Variants in AGO2 observed in about 807,000 individuals in gnomAD.
AGO2 encodes argonaute RISC catalytic component 2, also known as protein argonaute-2.
In AGO2, 5 loss-of-function variants were observed where a neutral mutation model predicts 102.3. The observed-to-expected ratio is 0.05, with a 90% CI of 0.03 to 0.10. The LOEUF is 0.10. Ranked by LOEUF, AGO2 falls within the 10% of genes least tolerant of loss-of-function variation. AGO2 has a pLI of 1.00. For missense variants in AGO2, 541 were observed against 1,183.7 expected (o/e 0.46, Z 7.97); for synonymous variants, 449 against 473.1 (o/e 0.95, Z 0.66).
At chr8:140,579,978 G>A (rs2073529504) in intron 2 of AGO2, among the ~76,000 whole-genome samples, 1 of 152,270 alleles carries the variant, frequency 6.6e-6, no homozygotes, top group African/African-American at 2.4e-5. Flanking sequence ...CGAACAAGGA[G>A]GAAGAGGGGC....
intron 1 of AGO2, among the ~76,000 whole-genome samples, chr8:140,613,852 C>T (rs1327271448): frequency 8.4e-6 from 1 of 118,720 alleles, no homozygotes; most frequent in Non-Finnish European, 1.9e-5. Context: ...CTCGTCTCCA[C>T]AACAAAAATT....
chr8:140,617,496 A>G (rs1303762329), intron 1 of AGO2, among the ~76,000 whole-genome samples: 4 of 151,996 alleles, frequency 2.6e-5, no homozygotes, highest in Non-Finnish European at 5.9e-5. Context: ...CAAGTGATCC[A>G]CCTGCCTCAG....
intron 17 of AGO2, 77 bp downstream of exon 17, chr8:140,535,391 A>G (rs1303291894): frequency 6.9e-7 from 1 of 1,453,712 alleles, no homozygotes; most frequent in African/African-American, 1.4e-5. Context: ...TGCCAGCCAG[A>G]GTGCAAGTGT....
chr8:140,535,458 C>A lies in AGO2; in HGVS notation c.2271+10G>T. ...CCAAGACTCTGTCCGAAGGGGACTC[C>A]CGGCCTTACCTGGATGCCAGCGTGA... On this transcript the variant is annotated intron_variant, in intron 17 of 18. Coordinates refer to ENST00000220592, the MANE Select transcript of AGO2 (RefSeq NM_012154.5). 3.1e-6 allele frequency: 5 copies of A among 1,613,952 alleles called. No individual in the cohort carries two copies. The highest frequency in any genetic ancestry group is 4.2e-6 in the Non-Finnish European group (5 of 1,179,790).
chr8:140,620,813 C>T (rs1421604649), intron 1 of AGO2, among the ~76,000 whole-genome samples: 1 of 152,176 alleles, frequency 6.6e-6, no homozygotes, highest in Non-Finnish European at 1.5e-5. Flanking sequence ...TGAGATTGTG[C>T]CACTGCAAGC....
intron 1 of AGO2, chr8:140,591,874 C>T (rs1425478703): frequency 6.6e-6 from 1 of 152,264 alleles, no homozygotes; most frequent in African/African-American, 2.4e-5. Context: ...AATCTCAGCA[C>T]TTTGGGAGGC....
intron 1 of AGO2, among the ~76,000 whole-genome samples, chr8:140,619,554 C>T (rs1013145740): frequency 6.6e-6 from 1 of 152,190 alleles, no homozygotes; most frequent in Admixed American, 6.5e-5. Context: ...GAGGCAAAGG[C>T]CGCTCACTGC....
At chr8:140,556,633 C>T (rs1588454023) in intron 8 of AGO2, among the ~76,000 whole-genome samples, 1 of 152,136 alleles carries the variant, frequency 6.6e-6, no homozygotes, top group Non-Finnish European at 1.5e-5. Flanking sequence ...GTGCGAAAGA[C>T]GTCTACCTGT....
intron 1 of AGO2, among the ~76,000 whole-genome samples, chr8:140,615,946 A>G (rs2074137353): frequency 6.6e-6 from 1 of 152,256 alleles, no homozygotes; most frequent in Non-Finnish European, 1.5e-5. Context: ...TCCCATTCTG[A>G]GGGCATTTTG....
At chr8:140,576,194 A>G (rs548966176) in intron 2 of AGO2, among the ~76,000 whole-genome samples, 2 of 152,156 alleles carry the variant, frequency 1.3e-5, no homozygotes, top group Non-Finnish European at 2.9e-5. Flanking sequence ...GGTACCTGTA[A>G]TCCCAGCAAC....
chr8:140,588,699 C>T (rs1016591811), intron 1 of AGO2, among the ~76,000 whole-genome samples: 1 of 152,130 alleles, frequency 6.6e-6, no homozygotes, highest in African/African-American at 2.4e-5. Flanking sequence ...ATTCTTTGTG[C>T]AGGGCAATAA....
chr8:140,541,488 C>A, intron 14 of AGO2, 130 bp from the exon 15 acceptor site: 1 of 858,742 alleles, frequency 1.2e-6, no homozygotes, highest in East Asian at 2.8e-5. Flanking sequence ...TGTCAAGTGA[C>A]AATGGCTGGC....
Position 140,531,979 on chromosome 8 carries a change from T to C in AGO2, c.*65A>G. 2 of 1,395,610 alleles carry C rather than the reference T, an allele frequency of 1.4e-6. No individual in the cohort carries two copies. Among genetic ancestry groups the C allele is most frequent in the Admixed American group, 1.7e-5 (1 of 58,644 alleles). The allele number at this position is 1,395,610 out of a possible 1,614,324, so 86.5% of individuals were successfully genotyped here. A position where few individuals can be genotyped will look rare whatever the true frequency, so the allele number is the denominator to read the frequency against. On this transcript the variant is annotated 3_prime_UTR_variant, in exon 19 of 19. Transcript: ENST00000220592. ...CTGTCACGGAAGGGCTGGCCATCTG[T>C]TGGTCTGAGTGTAGCTGGTCTCGTG...
Position 140,553,404 on chromosome 8 carries a change from G to GTTTTTTTT in AGO2, c.1270-1969_1270-1968insAAAAAAAA, listed in dbSNP as rs1386366277. Among the ~76,000 whole-genome samples the GTTTTTTTT allele has an allele frequency of 7.9e-5, 8 of 101,718 alleles. 1 individual carries two copies. Among genetic ancestry groups the GTTTTTTTT allele is most frequent in the African/African-American group, 2.4e-4 (5 of 20,620 alleles). The allele number at this position is 101,718 out of a possible 152,430, so 66.7% of individuals were successfully genotyped here. On this transcript the variant is annotated intron_variant, in intron 10 of 18. Coordinates refer to ENST00000220592, the MANE Select transcript of AGO2 (RefSeq NM_012154.5). ...GCCTCAAACAAGTTACAAGTTTTTT[G>GTTTTTTTT]TTTTTTGTTTTTTTTTTTTTTTGAG...
At chr8:140,586,886 C>T (rs1041472637) in intron 1 of AGO2, among the ~76,000 whole-genome samples, 3 of 152,310 alleles carry the variant, frequency 2.0e-5, no homozygotes, top group South Asian at 4.1e-4. Flanking sequence ...ACGCTCCTCT[C>T]GGGGAGGAGA....
At chr8:140,549,383 A>G in intron 11 of AGO2, 85 bp from the exon 12 acceptor site, 2 of 1,381,242 alleles carry the variant, frequency 1.4e-6, no homozygotes, top group Non-Finnish European at 1.9e-6. Flanking sequence ...CAAGGGCGTC[A>G]TTTTTACAAA....
intron 1 of AGO2, among the ~76,000 whole-genome samples, chr8:140,616,279 G>A (rs2074141858): frequency 6.6e-6 from 1 of 152,182 alleles, no homozygotes; most frequent in African/African-American, 2.4e-5. Context: ...TCAAAGGACC[G>A]ATGACAGCCC....
intron 1 of AGO2, among the ~76,000 whole-genome samples, chr8:140,628,305 C>T (rs1387220890): frequency 2.0e-5 from 3 of 152,222 alleles, no homozygotes; most frequent in South Asian, 4.1e-4. Context: ...CCCCAGGGAA[C>T]GAACACCCAC....
intron 1 of AGO2, among the ~76,000 whole-genome samples, chr8:140,629,670 T>C (rs2074317796): frequency 6.6e-6 from 1 of 151,310 alleles, no homozygotes; most frequent in East Asian, 1.9e-4. Context: ...GGAAACCCCG[T>C]CTCTCCACAA....
Sources: gnomAD v4.1 joint callset for allele counts (sites outside exome capture counted in the v4.1 genomes callset) on GRCh38, gnomAD v4.1.1 for gene constraint, MANE v1.5 for transcripts, NCBI Gene and HGNC (gene_info 2026-07-23, HGNC 2026-07-21) for gene names.